The following CLEC2A variants were observed in gnomAD, a reference collection of about 807,000 sequenced individuals.
CLEC2A encodes keratinocyte-associated C-type lectin.
A neutral mutation model predicts 18.6 loss-of-function variants in CLEC2A; 19 were observed. The ratio of observed to expected loss-of-function variants is 1.02; its 90% CI spans 0.71 to 1.50. CLEC2A has a LOEUF of 1.50. Among genes scored for constraint, CLEC2A ranks in the 40% most tolerant of loss-of-function variants. The probability of loss-of-function intolerance (pLI) is 0.00; values close to 1 mark genes in which losing one functional copy is unlikely to be tolerated. For missense variants in CLEC2A, 190 were observed against 207.9 expected (o/e 0.91, Z 0.53); for synonymous variants, 74 against 64.0 (o/e 1.16, Z -0.75).
intron 1 of CLEC2A, 61 bp downstream of exon 1, chr12:9,932,214 C>G (rs771057328): frequency 2.5e-6 from 3 of 1,198,346 alleles, no homozygotes; most frequent in Non-Finnish European, 3.6e-6. Flanking sequence ...TATTTTTAAG[C>G]TGTCCTGTAT....
chr12:9,880,771 AG>A, the CLEC2A span, among the ~76,000 whole-genome samples: 1 of 152,064 alleles, frequency 6.6e-6, no homozygotes, highest in Non-Finnish European at 1.5e-5. Context: ...GTTCTATTCA[AG>A]GCTCCAACTG....
At chr12:9,904,396 G>A (rs745418689) in intron 4 of CLEC2A, among the ~76,000 whole-genome samples, 5 of 152,162 alleles carry the variant, frequency 3.3e-5, no homozygotes, top group Admixed American at 6.5e-5. Flanking sequence ...TGTAACAATC[G>A]TTTTTGTTTA....
At chr12:9,886,162 AT>A in the CLEC2A span, among the ~76,000 whole-genome samples, 5 of 152,106 alleles carry the variant, frequency 3.3e-5, no homozygotes, top group Non-Finnish European at 5.9e-5. Flanking sequence ...TAGTAAAAAT[AT>A]TTTTTTCTAG....
At chr12:9,884,342 T>C in the CLEC2A span, among the ~76,000 whole-genome samples, 1 of 151,818 alleles carries the variant, frequency 6.6e-6, no homozygotes, top group African/African-American at 2.4e-5. Context: ...AACTGACTCC[T>C]GTCTAAAGAG....
chr12:9,908,861 T>A (rs76178273), downstream of CLEC2A, among the ~76,000 whole-genome samples: 1,218 of 152,340 alleles, frequency 8.0e-3, 19 homozygotes, highest in African/African-American at 0.028. Flanking sequence ...GGGTCATTTA[T>A]AGATTTTGGC....
At chr12:9,922,287 A>G (rs1863187184) in intron 2 of CLEC2A, 55 bp from the exon 3 acceptor site, 2 of 1,414,258 alleles carry the variant, frequency 1.4e-6, no homozygotes, top group African/African-American at 2.9e-5. Flanking sequence ...AAGTGTTTCT[A>G]CTCATTCAGG....
chr12:9,914,566 T>G (rs1358733234), intron 4 of CLEC2A, among the ~76,000 whole-genome samples: 1 of 152,132 alleles, frequency 6.6e-6, no homozygotes, highest in African/African-American at 2.4e-5. Context: ...GCCACACATC[T>G]ACAACCATCT....
chr12:9,881,985 A>G, the CLEC2A span, among the ~76,000 whole-genome samples: 18 of 152,078 alleles, frequency 1.2e-4, no homozygotes, highest in African/African-American at 2.9e-4. Flanking sequence ...TAAAGTTTAT[A>G]TAAACTTAAA....
chr12:9,878,723 T>C, the CLEC2A span, among the ~76,000 whole-genome samples: 99 of 152,258 alleles, frequency 6.5e-4, no homozygotes, highest in Non-Finnish European at 8.8e-4. Flanking sequence ...TGGGTAGAAC[T>C]GAGGGGTCTG....
chr12:9,889,664 A>G, the CLEC2A span, among the ~76,000 whole-genome samples: 77 of 151,228 alleles, frequency 5.1e-4, no homozygotes, highest in Middle Eastern at 3.4e-3. Flanking sequence ...GTGTGTGTAT[A>G]TATATGTATA....
chr12:9,882,623 C>CA, the CLEC2A span, among the ~76,000 whole-genome samples: 8 of 151,694 alleles, frequency 5.3e-5, no homozygotes, highest in African/African-American at 9.7e-5. Flanking sequence ...ACTAAAAATA[C>CA]AAAAAAAATT....
the CLEC2A span, among the ~76,000 whole-genome samples, chr12:9,891,436 G>T: frequency 6.6e-6 from 1 of 152,092 alleles, no homozygotes; most frequent in African/African-American, 2.4e-5. Flanking sequence ...TCATCATTTG[G>T]AGTATTTCCA....
At chr12:9,911,304 T>G (rs1369007711), downstream of CLEC2A, among the ~76,000 whole-genome samples, 1 of 152,168 alleles carries the variant, frequency 6.6e-6, no homozygotes. Context: ...GCAGGAGGGC[T>G]GTTTGCAGGC....
At chr12:9,902,233 A>ATTTT (rs3994065) in intron 4 of CLEC2A, among the ~76,000 whole-genome samples, 1 of 132,576 alleles carries the variant, frequency 7.5e-6, no homozygotes, top group Non-Finnish European at 1.6e-5. Flanking sequence ...AAGGTTTGCC[A>ATTTT]TTTTTTTTTT....
chr12:9,889,749 T>C, the CLEC2A span, among the ~76,000 whole-genome samples: 1 of 151,872 alleles, frequency 6.6e-6, no homozygotes, highest in Admixed American at 6.6e-5. Flanking sequence ...TCCAATACGG[T>C]AATACAGTGT....
chr12:9,909,309 T>C (rs1216974932), downstream of CLEC2A, among the ~76,000 whole-genome samples: 2 of 152,206 alleles, frequency 1.3e-5, no homozygotes, highest in South Asian at 2.1e-4. Context: ...ATGTTGTTAT[T>C]GTCCCACCAG....
In CLEC2A at chr12:9,923,992, C is replaced by T. The variant is rs1016464663; in HGVS notation, c.140-1760G>A. Among the ~76,000 whole-genome samples, 22 of 151,842 alleles carry T rather than the reference C, an allele frequency of 1.4e-4. 1 individual carries two copies. Among genetic ancestry groups the T allele is most frequent in the Admixed American group, 2.0e-4 (3 of 15,244 alleles). ...GGGTTGGGAGAGTGGGGAGGGATAG[C>T]ATTAGGAGATATATCTAATGTAAAT... On this transcript the variant is annotated intron_variant, in intron 2 of 4. Transcript: ENST00000455827.
At chr12:9,906,213 A>G (rs1480096223) in intron 4 of CLEC2A, among the ~76,000 whole-genome samples, 1 of 151,572 alleles carries the variant, frequency 6.6e-6, no homozygotes, top group East Asian at 1.9e-4. Flanking sequence ...GGTAATACCC[A>G]TTTTCCTTCT....
At chr12:9,927,039 C>CTGTG (rs146343269) in intron 1 of CLEC2A, among the ~76,000 whole-genome samples, 2,203 of 150,598 alleles carry the variant, frequency 0.015, 47 homozygotes, top group African/African-American at 0.051. Flanking sequence ...ATGTGTGTGT[C>CTGTG]TGTGTGTGTG....
Sources: allele counts gnomAD v4.1 joint callset (sites outside exome capture counted in the v4.1 genomes callset), GRCh38; gene constraint gnomAD v4.1.1; transcripts MANE v1.5; gene names NCBI Gene and HGNC (gene_info 2026-07-23, HGNC 2026-07-21).